LDLRAD3: variants seen among roughly 807,000 people sequenced by gnomAD.
LDLRAD3 encodes the protein low-density lipoprotein receptor class A domain-containing protein 3.
In LDLRAD3, 20 loss-of-function variants were observed where a neutral mutation model predicts 29.4. The observed-to-expected ratio is 0.68, with a 90% CI of 0.48 to 0.99. LDLRAD3 has a LOEUF of 0.99. Ranked by LOEUF, LDLRAD3 falls within the 50% of genes least tolerant of loss-of-function variation. The pLI, the probability that LDLRAD3 is intolerant of heterozygous loss-of-function variation, is 0.00. For synonymous variants in LDLRAD3, 157 were observed against 192.7 expected, an observed-to-expected ratio of 0.81 and a Z score of 1.53; for missense variants, 420 against 454.3, an observed-to-expected ratio of 0.92 and a Z score of 0.69.
At chr11:36,035,970 G>A in intron 1 of LDLRAD3, 133 bp from the exon 2 acceptor site, 2 of 779,044 alleles carry the variant, frequency 2.6e-6, no homozygotes, top group Non-Finnish European at 4.0e-6. Flanking sequence ...TCACAGATGA[G>A]GAAACTGAAG....
At chr11:36,165,649 G>T (rs1590323938) in intron 4 of LDLRAD3, among the ~76,000 whole-genome samples, 1 of 152,070 alleles carries the variant, frequency 6.6e-6, no homozygotes, top group African/African-American at 2.4e-5. Flanking sequence ...GCTGTGTTTT[G>T]CATAGTTCAT....
At chr11:36,162,905 C>CCTGGATCCTATCCAG (rs1327710815) in intron 4 of LDLRAD3, among the ~76,000 whole-genome samples, 1 of 152,192 alleles carries the variant, frequency 6.6e-6, no homozygotes, top group Non-Finnish European at 1.5e-5. Flanking sequence ...ACAGGGTTGT[C>CCTGGATCCTATCCAG]GTTATATCTG....
chr11:36,194,175 AGCCCCCTGAGTTGGTATAT>A (rs1347006856), intron 4 of LDLRAD3, among the ~76,000 whole-genome samples: 1 of 150,282 alleles, frequency 6.7e-6, no homozygotes, highest in Non-Finnish European at 1.5e-5. Context: ...TGTGTACCTT[AGCCCCCTGAGTTGGTATAT>A]GCTAGGTGGT....
intron 4 of LDLRAD3, among the ~76,000 whole-genome samples, chr11:36,112,439 C>A (rs1853618690): frequency 6.6e-6 from 1 of 152,178 alleles, no homozygotes. Flanking sequence ...TCCAGAGTGC[C>A]AGGGGACTTA....
chr11:36,116,265 C>CT (rs1300716259), intron 4 of LDLRAD3, among the ~76,000 whole-genome samples: 13 of 152,344 alleles, frequency 8.5e-5, no homozygotes, highest in Non-Finnish European at 8.8e-5. Context: ...CCAGTGTACT[C>CT]TGTCTCTGAC....
chr11:36,079,641 T>TA (rs1298246708), intron 2 of LDLRAD3, among the ~76,000 whole-genome samples: 1 of 152,032 alleles, frequency 6.6e-6, no homozygotes, highest in Non-Finnish European at 1.5e-5. Flanking sequence ...ATATGTTGCA[T>TA]GGGTGCAAGA....
intron 4 of LDLRAD3, among the ~76,000 whole-genome samples, chr11:36,151,353 G>T (rs1030718487): frequency 6.6e-6 from 1 of 152,098 alleles, no homozygotes; most frequent in African/African-American, 2.4e-5. Context: ...ACTTCAGGGG[G>T]TGCCATTTAC....
At chr11:36,054,885 CTGGA>C (rs1022787077) in intron 2 of LDLRAD3, among the ~76,000 whole-genome samples, 5 of 57,234 alleles carry the variant, frequency 8.7e-5, no homozygotes, top group African/African-American at 1.6e-4. Flanking sequence ...GGATGGATGC[CTGGA>C]TGGATGGATG....
chr11:36,063,410 C>T (rs557369585), intron 2 of LDLRAD3, among the ~76,000 whole-genome samples: 34 of 152,352 alleles, frequency 2.2e-4, no homozygotes, highest in Non-Finnish European at 3.5e-4. Flanking sequence ...AGTCATTCCC[C>T]ATTCTTCCCT....
At chr11:36,181,871 G>A (rs1180847519) in intron 4 of LDLRAD3, among the ~76,000 whole-genome samples, 6 of 152,114 alleles carry the variant, frequency 3.9e-5, no homozygotes, top group South Asian at 2.1e-4. Context: ...GTTGTCAACC[G>A]TCTCCTCTCT....
chr11:36,094,666 G>A (rs1200082493), intron 3 of LDLRAD3, among the ~76,000 whole-genome samples: 2 of 152,118 alleles, frequency 1.3e-5, no homozygotes, highest in African/African-American at 4.8e-5. Flanking sequence ...CTCCCAAGTA[G>A]CTGGGATTAC....
At chr11:36,065,926 G>A (rs750662180) in intron 2 of LDLRAD3, among the ~76,000 whole-genome samples, 2 of 152,308 alleles carry the variant, frequency 1.3e-5, no homozygotes, top group East Asian at 1.9e-4. Context: ...TTTGGAGTCC[G>A]AAGGCAAAGA....
chr11:35,948,671 G>A (rs1164023321), intron 1 of LDLRAD3, among the ~76,000 whole-genome samples: 2 of 152,172 alleles, frequency 1.3e-5, no homozygotes, highest in Non-Finnish European at 2.9e-5. Flanking sequence ...TTATGACAGA[G>A]TAACTGCTTG....
chr11:36,085,364 CT>C (rs1354371937), intron 3 of LDLRAD3, among the ~76,000 whole-genome samples: 2 of 117,392 alleles, frequency 1.7e-5, no homozygotes, highest in East Asian at 5.1e-4. Context: ...TTTTTTTTGT[CT>C]TTAGTTTTCA....
chr11:36,187,124 T>C (rs568704194), intron 4 of LDLRAD3, among the ~76,000 whole-genome samples: 2 of 152,330 alleles, frequency 1.3e-5, no homozygotes, highest in East Asian at 3.9e-4. Flanking sequence ...TGGCTTCCTA[T>C]TACCTTTACT....
At chr11:36,168,775 C>T (rs1854554049) in intron 4 of LDLRAD3, among the ~76,000 whole-genome samples, 1 of 151,972 alleles carries the variant, frequency 6.6e-6, no homozygotes, top group African/African-American at 2.4e-5. Flanking sequence ...TAAAATTGCC[C>T]TGGAAAAGTT....
At chr11:36,173,978 A>G (rs1272959866) in intron 4 of LDLRAD3, among the ~76,000 whole-genome samples, 1 of 152,256 alleles carries the variant, frequency 6.6e-6, no homozygotes, top group Non-Finnish European at 1.5e-5. Context: ...ACAAGGCTAC[A>G]GTAACCAAAA....
At chr11:35,999,400 C>T (rs899703972) in intron 1 of LDLRAD3, among the ~76,000 whole-genome samples, 6 of 152,152 alleles carry the variant, frequency 3.9e-5, no homozygotes, top group African/African-American at 9.7e-5. Context: ...CCAGATTACC[C>T]GGAGAAACGG....
At chr11:36,026,119 C>T (rs922538972) in intron 1 of LDLRAD3, among the ~76,000 whole-genome samples, 5 of 152,118 alleles carry the variant, frequency 3.3e-5, no homozygotes, top group African/African-American at 9.7e-5. Context: ...TTTAAAAAAT[C>T]TGTATGTACC....
Sources: gnomAD v4.1 joint callset for allele counts (sites outside exome capture counted in the v4.1 genomes callset) on GRCh38, gnomAD v4.1.1 for gene constraint, MANE v1.5 for transcripts, NCBI Gene and HGNC (gene_info 2026-07-23, HGNC 2026-07-21) for gene names.